HNF4G: variants seen among roughly 807,000 people sequenced by gnomAD.
The protein encoded by HNF4G is hepatocyte nuclear factor 4-gamma.
A neutral mutation model predicts 50.9 loss-of-function variants in HNF4G; 21 were observed. That is an observed-to-expected ratio of 0.41 (90% confidence interval 0.29 to 0.59). The LOEUF (loss-of-function observed/expected upper bound fraction) is 0.59. HNF4G is among the 20% of genes least tolerant of loss of function. The pLI is 0.26. For missense variants in HNF4G, 527 were observed against 559.4 expected, an observed-to-expected ratio of 0.94 and a Z score of 0.58; for synonymous variants, 198 against 185.6, an observed-to-expected ratio of 1.07 and a Z score of -0.54.
chr8:75,436,034 T>C (rs1274436915), intron 1 of HNF4G, among the ~76,000 whole-genome samples: 3 of 151,914 alleles, frequency 2.0e-5, no homozygotes, highest in Non-Finnish European at 4.4e-5. Context: ...CTGTTGCTAC[T>C]GTCTTAACTT....
At chr8:75,527,249 ATG>A (rs1806210269) in intron 2 of HNF4G, 1 of 145,668 alleles carries the variant, frequency 6.9e-6, no homozygotes, top group Admixed American at 6.8e-5. Context: ...TAGAGAAAAT[ATG>A]TGTTAGATAA....
intron 2 of HNF4G, among the ~76,000 whole-genome samples, chr8:75,546,134 C>T (rs1399935942): frequency 6.6e-6 from 1 of 152,022 alleles, no homozygotes; most frequent in African/African-American, 2.4e-5. Flanking sequence ...TATAAATAAA[C>T]AGGTACATAT....
At chr8:75,533,990 A>G (rs1280595182) in intron 2 of HNF4G, among the ~76,000 whole-genome samples, 1 of 151,890 alleles carries the variant, frequency 6.6e-6, no homozygotes, top group Admixed American at 6.6e-5. Context: ...AAAATGTTCA[A>G]GTCTAAATTG....
chr8:75,453,517 G>C (rs78276437), intron 1 of HNF4G, among the ~76,000 whole-genome samples: 7,356 of 103,340 alleles, frequency 0.071, 248 homozygotes, highest in Non-Finnish European at 0.093. Context: ...CCCCCGCCCC[G>C]TAGCCAGCAG....
chr8:75,514,375 T>C (rs1805840140), intron 2 of HNF4G, among the ~76,000 whole-genome samples: 4 of 149,746 alleles, frequency 2.7e-5, no homozygotes, highest in Admixed American at 2.7e-4. Context: ...TCTTTCTTTT[T>C]TTTTTTTGTT....
intron 4 of HNF4G, among the ~76,000 whole-genome samples, chr8:75,552,776 A>G (rs1473964172): frequency 6.6e-6 from 1 of 152,130 alleles, no homozygotes; most frequent in Admixed American, 6.6e-5. Context: ...TACAGATTTG[A>G]CCACTAACAT....
chr8:75,540,020 T>C lies in HNF4G; in HGVS notation c.58T>C (p.Leu20=). ...DMDMANYSEV[L]DPTYTTLEFE... ...GGACATGGCAAATTACAGTGAAGTT[T>C]TGGACCCAACTTACACAACTTTGGA... is the stretch of plus-strand genomic sequence containing the variant. Residue 20 remains leucine, a synonymous_variant, in exon 1 of 10, where the codon TTG becomes CTG. Coordinates refer to ENST00000396423, the MANE Select transcript of HNF4G (RefSeq NM_004133.5). The C allele has an allele frequency of 2.5e-6, 4 of 1,609,562 alleles. No individual in the cohort carries two copies. Among genetic ancestry groups the C allele is most frequent in the Non-Finnish European group, 3.4e-6 (4 of 1,175,968 alleles).
At chr8:75,525,671 CAG>C (rs1271056972) in intron 2 of HNF4G, among the ~76,000 whole-genome samples, 3 of 152,046 alleles carry the variant, frequency 2.0e-5, no homozygotes, top group Non-Finnish European at 4.4e-5. Context: ...ATTGTTGTGG[CAG>C]AGTTTTACCG....
chr8:75,547,811 G>A (rs1806832333), intron 3 of HNF4G, 130 bp downstream of exon 3: 4 of 631,030 alleles, frequency 6.3e-6, no homozygotes, highest in Non-Finnish European at 1.1e-5. Context: ...AGGAATCTAT[G>A]ATTCCTCAAG....
upstream of HNF4G, among the ~76,000 whole-genome samples, chr8:75,539,112 T>C (rs1286091696): frequency 6.6e-6 from 1 of 152,158 alleles, no homozygotes; most frequent in Non-Finnish European, 1.5e-5. Context: ...TACTGTGCTA[T>C]ATAGATGAGG....
chr8:75,433,852 C>T (rs1007297499), intron 1 of HNF4G, among the ~76,000 whole-genome samples: 35 of 152,104 alleles, frequency 2.3e-4, no homozygotes, highest in African/African-American at 7.5e-4. Context: ...ACAGTAAGTA[C>T]ATAGCAGGTT....
chr8:75,414,031 C>T (rs1442701558), intron 1 of HNF4G, among the ~76,000 whole-genome samples: 1 of 151,982 alleles, frequency 6.6e-6, no homozygotes, highest in Middle Eastern at 3.2e-3. Context: ...ATATAATTTG[C>T]AATCAGTAAA....
chr8:75,485,020 G>A (rs759357982), intron 1 of HNF4G, among the ~76,000 whole-genome samples: 1 of 152,190 alleles, frequency 6.6e-6, no homozygotes, highest in African/African-American at 2.4e-5. Context: ...GTAAGTGGTT[G>A]TACTGAATGT....
chr8:75,514,354 C>CTTTTTTTTTTCTTTTTTTTTTTTTTT (rs1805837081), intron 2 of HNF4G, among the ~76,000 whole-genome samples: 6 of 125,032 alleles, frequency 4.8e-5, no homozygotes, highest in South Asian at 2.5e-4. Context: ...TTTCTTCTTT[C>CTTTTTTTTTTCTTTTTTTTTTTTTTT]TTTTTTTTTT....
At chr8:75,532,035 T>G (rs1806341450) in intron 2 of HNF4G, among the ~76,000 whole-genome samples, 1 of 152,082 alleles carries the variant, frequency 6.6e-6, no homozygotes, top group Non-Finnish European at 1.5e-5. Flanking sequence ...ATTCTTTCAT[T>G]TATAACTTTT....
intron 2 of HNF4G, among the ~76,000 whole-genome samples, chr8:75,532,710 C>A (rs1806361293): frequency 6.6e-6 from 1 of 152,004 alleles, no homozygotes; most frequent in African/African-American, 2.4e-5. Flanking sequence ...TAGCCCCAGG[C>A]TAGTAATCCT....
intron 8 of HNF4G, 62 bp from the exon 9 acceptor site, chr8:75,560,282 C>T (rs1585960163): frequency 1.3e-6 from 2 of 1,558,026 alleles, no homozygotes; most frequent in East Asian, 4.5e-5. Flanking sequence ...ACATTTGTTT[C>T]AAGGTAAACT....
intron 1 of HNF4G, among the ~76,000 whole-genome samples, chr8:75,435,664 G>A (rs1012552305): frequency 3.3e-5 from 5 of 152,144 alleles, no homozygotes; most frequent in Admixed American, 1.3e-4. Flanking sequence ...CATGATCTGG[G>A]CTCACTGCAT....
At chr8:75,436,883 A>G (rs1811154057) in intron 1 of HNF4G, among the ~76,000 whole-genome samples, 2 of 152,136 alleles carry the variant, frequency 1.3e-5, no homozygotes, top group South Asian at 4.1e-4. Flanking sequence ...GACTCTACAT[A>G]GAATAAAAAA....
Sources: allele counts gnomAD v4.1 joint callset (sites outside exome capture counted in the v4.1 genomes callset), GRCh38; gene constraint gnomAD v4.1.1; transcripts MANE v1.5; gene names NCBI Gene and HGNC (gene_info 2026-07-23, HGNC 2026-07-21).